DTWD2: variants seen among roughly 807,000 people sequenced by gnomAD.
DTWD2 encodes the protein DTW motif tRNA-uridine aminocarboxypropyltransferase 2, also known as tRNA-uridine aminocarboxypropyltransferase 2.
A neutral mutation model predicts 31.8 loss-of-function variants in DTWD2; 39 were observed. That is an observed-to-expected ratio of 1.22 (90% CI 0.95 to 1.60). The LOEUF is 1.60. Ranked by LOEUF, DTWD2 falls within the 40% of genes most tolerant of loss-of-function variation. The pLI, the probability that DTWD2 is intolerant of heterozygous loss-of-function variation, is 0.00. For missense variants in DTWD2, 515 were observed against 381.5 expected, an observed-to-expected ratio of 1.35 and a Z score of -2.92; for synonymous variants, 180 against 142.8, an observed-to-expected ratio of 1.26 and a Z score of -1.86.
chr5:118,924,199 T>C (rs56078901), intron 4 of DTWD2, among the ~76,000 whole-genome samples: 14,289 of 152,216 alleles, frequency 0.094, 731 homozygotes, highest in Middle Eastern at 0.19. Context: ...CTACTAAGCA[T>C]GTCATATCCT....
intron 1 of DTWD2, among the ~76,000 whole-genome samples, chr5:118,946,363 G>A (rs991750956): frequency 1.3e-5 from 2 of 152,160 alleles, no homozygotes; most frequent in Non-Finnish European, 2.9e-5. Context: ...AAGAGGGACA[G>A]ACACCAACTG....
chr5:118,856,919 C>A (rs916000518), intron 4 of DTWD2, among the ~76,000 whole-genome samples: 3 of 151,564 alleles, frequency 2.0e-5, no homozygotes, highest in Non-Finnish European at 2.9e-5. Context: ...ATTACAGGTA[C>A]CTGCCACCAC....
chr5:118,965,902 C>T (rs190880633), intron 1 of DTWD2, among the ~76,000 whole-genome samples: 1,753 of 151,616 alleles, frequency 0.012, 34 homozygotes, highest in African/African-American at 0.04. Context: ...TGCCAAATCC[C>T]CCTCTGCGAG....
At chr5:118,940,857 A>G (rs538108928) in intron 2 of DTWD2, among the ~76,000 whole-genome samples, 46 of 148,844 alleles carry the variant, frequency 3.1e-4, no homozygotes, top group Non-Finnish European at 6.2e-4. Context: ...CTCACATCTA[A>G]TATTATTAGT....
intron 1 of DTWD2, among the ~76,000 whole-genome samples, chr5:118,969,974 T>G (rs937523611): frequency 4.5e-4 from 68 of 152,230 alleles, no homozygotes; most frequent in African/African-American, 1.6e-3. Flanking sequence ...ACAGCCAGTT[T>G]AGAGAGGAAC....
chr5:118,981,127 A>T (rs1171694945), intron 1 of DTWD2, among the ~76,000 whole-genome samples: 1 of 152,210 alleles, frequency 6.6e-6, no homozygotes, highest in African/African-American at 2.4e-5. Flanking sequence ...ATTCCACTTA[A>T]ATCTAGAATA....
intron 1 of DTWD2, among the ~76,000 whole-genome samples, chr5:118,961,128 C>T (rs1445134189): frequency 6.6e-6 from 1 of 151,896 alleles, no homozygotes; most frequent in Non-Finnish European, 1.5e-5. Flanking sequence ...TTAAGAGAGG[C>T]CAGATGCCTA....
intron 4 of DTWD2, among the ~76,000 whole-genome samples, chr5:118,875,201 G>C (rs1313200377): frequency 1.3e-5 from 2 of 152,088 alleles, no homozygotes; most frequent in Non-Finnish European, 2.9e-5. Context: ...GTTCCTGAAG[G>C]AAGCACTAAA....
intron 4 of DTWD2, among the ~76,000 whole-genome samples, chr5:118,926,125 A>G (rs1386959321): frequency 6.6e-6 from 1 of 152,130 alleles, no homozygotes; most frequent in Non-Finnish European, 1.5e-5. Context: ...ACGATTCACA[A>G]CTGCAAAGAC....
At position 118,965,219 on chromosome 5, in the gene DTWD2, G is replaced by A. The variant is rs539111771; in HGVS notation, c.219-20570C>T. ...CTCCGCCCAGCAGCCGCCCCATCTG[G>A]GAAGTGAGGAGCATCTCCGCCCGAC... On this transcript the variant is annotated intron_variant, in intron 1 of 5. Coordinates refer to ENST00000510708, the MANE Select transcript of DTWD2 (RefSeq NM_173666.4). 2.1e-3 allele frequency among the ~76,000 whole-genome samples: 321 copies of A among 151,592 alleles called. 2 individuals are homozygous for A. Among genetic ancestry groups the A allele is most frequent in the African/African-American group, 7.6e-3 (314 of 41,266 alleles).
At chr5:118,981,835 C>G (rs1222752786) in intron 1 of DTWD2, among the ~76,000 whole-genome samples, 2 of 152,160 alleles carry the variant, frequency 1.3e-5, no homozygotes, top group Non-Finnish European at 2.9e-5. Context: ...TAAAAATACC[C>G]ATGGCCAAAG....
chr5:118,946,785 G>C (rs1192645390), intron 1 of DTWD2, among the ~76,000 whole-genome samples: 1 of 152,052 alleles, frequency 6.6e-6, no homozygotes, highest in Non-Finnish European at 1.5e-5. Context: ...CTGTCACCCA[G>C]GCTGGAGTGC....
intron 1 of DTWD2, among the ~76,000 whole-genome samples, chr5:118,963,355 C>G (rs774565540): frequency 6.6e-6 from 1 of 152,070 alleles, no homozygotes; most frequent in Non-Finnish European, 1.5e-5. Context: ...TTCACAGAGA[C>G]AGAATAACAG....
At chr5:118,863,732 A>G (rs187465010) in intron 4 of DTWD2, among the ~76,000 whole-genome samples, 163 of 152,354 alleles carry the variant, frequency 1.1e-3, no homozygotes, top group Non-Finnish European at 6.8e-4. Context: ...GCAGATCCAG[A>G]GCCCTAATAT....
intron 4 of DTWD2, among the ~76,000 whole-genome samples, chr5:118,910,449 T>C (rs938358486): frequency 2.0e-5 from 3 of 152,186 alleles, no homozygotes; most frequent in Non-Finnish European, 2.9e-5. Flanking sequence ...CAGAATGGCA[T>C]TTACTATCCA....
intron 5 of DTWD2, among the ~76,000 whole-genome samples, chr5:118,846,920 G>GCA (rs144531960): frequency 0.083 from 11,200 of 134,758 alleles, 551 homozygotes; most frequent in East Asian, 0.13. Flanking sequence ...AAACACACAG[G>GCA]CACACACACA....
chr5:118,862,788 G>A (rs1752291618), intron 4 of DTWD2, among the ~76,000 whole-genome samples: 2 of 152,146 alleles, frequency 1.3e-5, no homozygotes, highest in Admixed American at 6.5e-5. Flanking sequence ...GTAAGTACAA[G>A]CAAACTATGA....
intron 1 of DTWD2, among the ~76,000 whole-genome samples, chr5:118,982,308 A>G (rs1561481949): frequency 1.3e-5 from 2 of 152,168 alleles, no homozygotes; most frequent in African/African-American, 4.8e-5. Flanking sequence ...TATAATTCCT[A>G]TTTTTCCTAG....
intron 5 of DTWD2, among the ~76,000 whole-genome samples, chr5:118,847,638 T>G (rs1009529804): frequency 6.6e-6 from 1 of 152,028 alleles, no homozygotes; most frequent in Non-Finnish European, 1.5e-5. Flanking sequence ...ATGTCTTTTT[T>G]ACATTCTAAG....
Sources: allele counts gnomAD v4.1 joint callset (sites outside exome capture counted in the v4.1 genomes callset), GRCh38; gene constraint gnomAD v4.1.1; transcripts MANE v1.5; gene names NCBI Gene and HGNC (gene_info 2026-07-23, HGNC 2026-07-21).